Variants in ASB3 observed in about 807,000 individuals in gnomAD.
ASB3 encodes the protein ankyrin repeat and SOCS box protein 3.
A neutral mutation model predicts 54.5 loss-of-function variants in ASB3; 41 were observed. The ratio of observed to expected loss-of-function variants is 0.75; its 90% CI spans 0.59 to 0.98. The LOEUF is 0.98. ASB3 is among the 50% of genes least tolerant of loss of function. The pLI is 0.00. For missense variants in ASB3, 733 were observed against 620.0 expected (o/e 1.18, Z -1.94); for synonymous variants, 266 against 221.2 (o/e 1.20, Z -1.80).
At chr2:53,779,439 T>G (rs565452680) in intron 1 of ASB3, among the ~76,000 whole-genome samples, 260 of 152,156 alleles carry the variant, frequency 1.7e-3, no homozygotes, top group Middle Eastern at 0.01. Context: ...GACAATCAAG[T>G]AATTTTTTTT....
intron 1 of ASB3, chr2:53,767,712 T>C: frequency 2.8e-6 from 2 of 709,606 alleles, no homozygotes; most frequent in Non-Finnish European, 4.6e-6. Flanking sequence ...TAAAGCTGAC[T>C]GAGATCCGCT....
At chr2:53,677,129 T>TA (rs778575166) in intron 9 of ASB3, among the ~76,000 whole-genome samples, 1 of 152,198 alleles carries the variant, frequency 6.6e-6, no homozygotes, top group Non-Finnish European at 1.5e-5. Context: ...ACCAATGTGT[T>TA]ACAACTGCCT....
intron 5 of ASB3, among the ~76,000 whole-genome samples, chr2:53,727,658 C>T (rs992683583): frequency 6.6e-6 from 1 of 151,990 alleles, no homozygotes; most frequent in Non-Finnish European, 1.5e-5. Context: ...AACAAGCAAA[C>T]AAACAAACTT....
At chr2:53,678,069 T>C (rs1257409813) in intron 9 of ASB3, among the ~76,000 whole-genome samples, 1 of 152,194 alleles carries the variant, frequency 6.6e-6, no homozygotes, top group Non-Finnish European at 1.5e-5. Flanking sequence ...TTGATATACC[T>C]ACCATAATGA....
intron 7 of ASB3, among the ~76,000 whole-genome samples, chr2:53,703,203 T>C (rs931436371): frequency 5.9e-5 from 9 of 152,246 alleles, no homozygotes; most frequent in Non-Finnish European, 1.0e-4. Flanking sequence ...CTTTTTCTTA[T>C]ATTTCCTCAT....
intron 3 of ASB3, among the ~76,000 whole-genome samples, chr2:53,747,441 G>T (rs1024247343): frequency 2.0e-5 from 3 of 152,186 alleles, no homozygotes; most frequent in African/African-American, 2.4e-5. Flanking sequence ...AGCTACTCGG[G>T]AGGCTGAGGC....
intron 1 of ASB3, among the ~76,000 whole-genome samples, chr2:53,782,098 GC>G (rs1176038944): frequency 2.0e-5 from 3 of 152,112 alleles, no homozygotes; most frequent in East Asian, 1.9e-4. Flanking sequence ...GATCGCTTGA[GC>G]CCCAGAGGTT....
Position 53,765,454 on chromosome 2 carries a change from T to C in ASB3, c.119A>G (p.Asp40Gly). Residue 40 changes from aspartate to glycine, a missense_variant, in exon 2 of 10, where the codon GAT (aspartate) becomes GGT (glycine). By Grantham distance (94) the Asp-to-Gly change is moderately conservative. Transcript: ENST00000263634. ...LKKGRSVDVA[D>G]NRGWMPIHEA... is the part of the protein sequence containing the mutation. ...ATGAATTGGCATCCATCCCCTGTTATCAGCAACATCGACACTTCGGCCCTT... is the reference window on the plus strand; with the variant it reads ...ATGAATTGGCATCCATCCCCTGTTACCAGCAACATCGACACTTCGGCCCTT... 3.1e-6 allele frequency: 5 copies of C among 1,614,258 alleles called. No individual in the cohort carries two copies. Among genetic ancestry groups the C allele is most frequent in the Non-Finnish European group, 2.5e-6 (3 of 1,180,036 alleles).
chr2:53,771,252 C>T (rs1451303260), intron 1 of ASB3, among the ~76,000 whole-genome samples: 3 of 152,256 alleles, frequency 2.0e-5, no homozygotes, highest in Admixed American at 1.3e-4. Context: ...CGGTGGCTCA[C>T]GCCTGTAATC....
chr2:53,774,595 C>T (rs959510139), intron 1 of ASB3: 206 of 1,175,390 alleles, frequency 1.8e-4, no homozygotes, highest in Non-Finnish European at 2.3e-4. Context: ...ACTTAAAGAT[C>T]TTATTTTTAA....
intron 8 of ASB3, among the ~76,000 whole-genome samples, chr2:53,696,928 T>C (rs1377239809): frequency 3.9e-5 from 6 of 152,194 alleles, no homozygotes; most frequent in Non-Finnish European, 7.3e-5. Flanking sequence ...CAACTCCATC[T>C]TGAATAGGGG....
At chr2:53,681,234 C>T (rs1443629491) in intron 9 of ASB3, among the ~76,000 whole-genome samples, 2 of 152,160 alleles carry the variant, frequency 1.3e-5, no homozygotes, top group Non-Finnish European at 2.9e-5. Flanking sequence ...GGTATATACC[C>T]AGCAGTGGGA....
At chr2:53,777,080 A>C (rs1253921960) in intron 1 of ASB3, among the ~76,000 whole-genome samples, 1 of 152,150 alleles carries the variant, frequency 6.6e-6, no homozygotes, top group Non-Finnish European at 1.5e-5. Flanking sequence ...ACTTAATTGT[A>C]CTGAGCCTCC....
chr2:53,714,657 T>A (rs529457384), intron 6 of ASB3, 76 bp from the exon 7 acceptor site: 223 of 1,474,502 alleles, frequency 1.5e-4, no homozygotes, highest in Non-Finnish European at 2.0e-4. Context: ...TATAGCACAA[T>A]TTTTTTCAGA....
intron 1 of ASB3, chr2:53,786,588 T>C (rs1296436183): frequency 6.6e-6 from 1 of 152,312 alleles, no homozygotes; most frequent in Non-Finnish European, 1.5e-5. Flanking sequence ...AGTGTACAAA[T>C]GCCAAATGCG....
intron 2 of ASB3, among the ~76,000 whole-genome samples, chr2:53,762,504 G>C (rs1413836596): frequency 6.6e-6 from 1 of 152,164 alleles, no homozygotes; most frequent in Admixed American, 6.5e-5. Context: ...CAGTATTAGT[G>C]CGTATTTTCT....
chr2:53,726,823 AGTAGCTCG>A (rs1671025918), intron 5 of ASB3, among the ~76,000 whole-genome samples: 1 of 151,800 alleles, frequency 6.6e-6, no homozygotes, highest in Non-Finnish European at 1.5e-5. Flanking sequence ...CAGCCTCCCC[AGTAGCTCG>A]GACAGGTGCG....
At chr2:53,737,840 A>G (rs1671729685) in intron 3 of ASB3, among the ~76,000 whole-genome samples, 1 of 152,152 alleles carries the variant, frequency 6.6e-6, no homozygotes, top group Admixed American at 6.5e-5. Flanking sequence ...TATACCCTGA[A>G]TTTTTTAAAA....
intron 3 of ASB3, among the ~76,000 whole-genome samples, chr2:53,750,116 A>G (rs892926174): frequency 1.2e-4 from 19 of 152,124 alleles, no homozygotes; most frequent in African/African-American, 4.3e-4. Context: ...GACCAAAACT[A>G]TAGTCCAGAT....
Sources: gnomAD v4.1 joint callset for allele counts (sites outside exome capture counted in the v4.1 genomes callset) on GRCh38, gnomAD v4.1.1 for gene constraint, MANE v1.5 for transcripts, NCBI Gene and HGNC (gene_info 2026-07-23, HGNC 2026-07-21) for gene names.